Variants in TNS1 observed in about 807,000 individuals in gnomAD.
The protein encoded by TNS1 is tensin-1.
Under a neutral mutation model 168.6 loss-of-function variants are expected in TNS1, and 62 were observed. The ratio of observed to expected loss-of-function variants is 0.37; its 90% confidence interval spans 0.30 to 0.45. The LOEUF (loss-of-function observed/expected upper bound fraction) is 0.45, where lower values mean the gene tolerates loss of function less well. TNS1 is among the 20% of genes least tolerant of loss of function. TNS1 has a pLI of 1.00. For synonymous variants in TNS1, 934 were observed against 933.2 expected, an observed-to-expected ratio of 1.00 and a Z score of -0.02; for missense variants, 2,240 against 2,339.4, an observed-to-expected ratio of 0.96 and a Z score of 0.88.
At chr2:217,914,774 G>A (rs770038865) in intron 4 of TNS1, among the ~76,000 whole-genome samples, 117 of 152,190 alleles carry the variant, frequency 7.7e-4, no homozygotes, top group Admixed American at 2.6e-3. Flanking sequence ...GTGAGCCACC[G>A]CATCCAGCCT....
At chr2:217,990,858 G>A in intron 2 of TNS1, 84 bp downstream of exon 2, 2 of 456,884 alleles carry the variant, frequency 4.4e-6, no homozygotes, top group Non-Finnish European at 8.1e-6. Flanking sequence ...TGTGTGCACA[G>A]CAGAGTCCCA....
chr2:217,942,401 T>G (rs1342289254), intron 3 of TNS1, among the ~76,000 whole-genome samples: 1 of 151,996 alleles, frequency 6.6e-6, no homozygotes, highest in East Asian at 1.9e-4. Context: ...CCCATTCGGG[T>G]CTCTCCCCCC....
At chr2:217,842,213 G>T (rs1242044312) in intron 19 of TNS1, 1 of 673,016 alleles carries the variant, frequency 1.5e-6, no homozygotes, top group African/African-American at 1.8e-5. Context: ...TGCTTAATCT[G>T]GTATGTACAC....
At chr2:217,849,127 G>C in intron 18 of TNS1, 40 bp from the exon 19 acceptor site, 1 of 1,575,902 alleles carries the variant, frequency 6.3e-7, no homozygotes, top group Non-Finnish European at 8.6e-7. Flanking sequence ...ACAGACAACA[G>C]ACATTAGCGG....
intron 1 of TNS1, among the ~76,000 whole-genome samples, chr2:218,022,342 G>A (rs1157871101): frequency 2.0e-5 from 3 of 152,156 alleles, no homozygotes; most frequent in East Asian, 3.9e-4. Context: ...CTCAAAAGCC[G>A]CAGCCTCCTT....
intron 2 of TNS1, among the ~76,000 whole-genome samples, chr2:217,981,544 C>G (rs188110647): frequency 6.6e-6 from 1 of 152,184 alleles, no homozygotes; most frequent in Admixed American, 6.5e-5. Flanking sequence ...CAGAGGGGAA[C>G]GAGGGAAGAC....
chr2:217,821,333 C>T (rs1942813307), intron 23 of TNS1, among the ~76,000 whole-genome samples: 1 of 152,150 alleles, frequency 6.6e-6, no homozygotes, highest in Non-Finnish European at 1.5e-5. Context: ...ATAGTGCTCA[C>T]CTCCTAGGAT....
intron 3 of TNS1, among the ~76,000 whole-genome samples, chr2:217,945,339 G>A (rs529191946): frequency 6.6e-6 from 1 of 152,320 alleles, no homozygotes; most frequent in South Asian, 2.1e-4. Flanking sequence ...GGGAGTCCCT[G>A]AGAGGGGATA....
At chr2:218,009,092 G>A (rs1574479952) in intron 1 of TNS1, among the ~76,000 whole-genome samples, 1 of 152,322 alleles carries the variant, frequency 6.6e-6, no homozygotes, top group Admixed American at 6.5e-5. Flanking sequence ...TCAAACCCAA[G>A]TGGCTGGCTC....
chr2:217,931,617 A>AGAGACC (rs1463701001), intron 3 of TNS1, among the ~76,000 whole-genome samples: 4 of 152,226 alleles, frequency 2.6e-5, no homozygotes, highest in African/African-American at 2.4e-5. Context: ...ACAAGGGCGT[A>AGAGACC]GAGACCTCTC....
At chr2:218,018,467 T>A (rs1032079945) in intron 1 of TNS1, among the ~76,000 whole-genome samples, 6 of 152,256 alleles carry the variant, frequency 3.9e-5, no homozygotes, top group African/African-American at 1.4e-4. Flanking sequence ...ACTCACCGTA[T>A]GAATTCTCTT....
chr2:217,967,019 TTAA>T (rs1957660196), intron 3 of TNS1, among the ~76,000 whole-genome samples: 1 of 152,206 alleles, frequency 6.6e-6, no homozygotes, highest in Non-Finnish European at 1.5e-5. Flanking sequence ...CAGGGGATAC[TTAA>T]TAAACAGTGT....
chr2:217,853,270 G>T (rs996181760), intron 18 of TNS1, among the ~76,000 whole-genome samples: 8 of 152,212 alleles, frequency 5.3e-5, no homozygotes, highest in African/African-American at 1.9e-4. Context: ...ACTTAAGGGA[G>T]GCTGGGGAGG....
intron 2 of TNS1, among the ~76,000 whole-genome samples, chr2:217,981,828 G>A (rs1363334002): frequency 6.6e-6 from 1 of 152,104 alleles, no homozygotes; most frequent in Non-Finnish European, 1.5e-5. Context: ...TCAAGTTTGG[G>A]CCTGTCAATC....
At position 217,836,178 on chromosome 2, in the gene TNS1, G is replaced by T. The variant is rs1945145444; in HGVS notation, c.3041C>A (p.Pro1014His). 6.2e-7 allele frequency: 1 copy of T among 1,612,716 alleles called. No individual in the cohort carries two copies. Among genetic ancestry groups the T allele is most frequent in the African/African-American group, 1.3e-5 (1 of 74,876 alleles). The change falls in exon 20 of 33, where the codon CCC becomes CAC. Residue 1014 changes from proline (P) to histidine (H), a missense_variant. Pro to His is a moderately conservative substitution (Grantham distance 77). Around this residue, in one of 2 missense-constraint regions of TNS1, gnomAD observed 2,131 missense variants for 2,171.2 expected, o/e 0.98. Transcript: ENST00000682258. Reference sequence around the variant, plus strand: ...CGCCCGCCTCCGCAGAGGGGCTGGGGGCTCTGCAGGCTGCTTCTCCCGAGC... The same window carrying T: ...CGCCCGCCTCCGCAGAGGGGCTGGGTGCTCTGCAGGCTGCTTCTCCCGAGC... ...VQAREKQPAE[P>H]PAPLRRRAAS...
At chr2:217,978,530 G>A (rs1957949646) in intron 3 of TNS1, among the ~76,000 whole-genome samples, 1 of 143,846 alleles carries the variant, frequency 7.0e-6, no homozygotes, top group Admixed American at 7.1e-5. Flanking sequence ...ATTGCGCTCC[G>A]CGCCCCCCAC....
chr2:217,832,727 C>T (rs1200089922), intron 21 of TNS1, among the ~76,000 whole-genome samples: 2 of 152,218 alleles, frequency 1.3e-5, no homozygotes, highest in Non-Finnish European at 2.9e-5. Context: ...CAGGTGAACA[C>T]CCACATGCAC....
intron 3 of TNS1, among the ~76,000 whole-genome samples, chr2:217,923,315 C>A (rs1955833168): frequency 6.6e-6 from 1 of 152,238 alleles, no homozygotes; most frequent in African/African-American, 2.4e-5. Context: ...ACAGGGTGTC[C>A]TGCTCAATCT....
chr2:217,892,316 G>A (rs1444371950), intron 11 of TNS1, among the ~76,000 whole-genome samples: 2 of 152,156 alleles, frequency 1.3e-5, no homozygotes, highest in East Asian at 3.9e-4. Context: ...TGGCCAGGCT[G>A]GTCTCGAACT....
Sources: gnomAD v4.1 joint callset for allele counts (sites outside exome capture counted in the v4.1 genomes callset) on GRCh38, gnomAD v4.1.1 for gene constraint, gnomAD v4.1.1 regional missense constraint, MANE v1.5 for transcripts, NCBI Gene and HGNC (gene_info 2026-07-23, HGNC 2026-07-21) for gene names.